Variants in SMOC2 observed in about 807,000 individuals in gnomAD.
SMOC2 encodes SPARC-related modular calcium-binding protein 2.
In SMOC2, 39 loss-of-function variants were observed where a neutral mutation model predicts 61.4. That is an observed-to-expected ratio of 0.64 (90% CI 0.49 to 0.83). The LOEUF (loss-of-function observed/expected upper bound fraction) is 0.83, where lower values mean the gene tolerates loss of function less well. Ranked by LOEUF, SMOC2 falls within the 40% of genes least tolerant of loss-of-function variation. The pLI, the probability that SMOC2 is intolerant of heterozygous loss-of-function variation, is 0.00. For missense variants in SMOC2, 556 were observed against 592.9 expected, an observed-to-expected ratio of 0.94 and a Z score of 0.65; for synonymous variants, 247 against 239.9, an observed-to-expected ratio of 1.03 and a Z score of -0.27.
chr6:168,579,206 T>A (rs1784872270), intron 7 of SMOC2, among the ~76,000 whole-genome samples: 1 of 152,242 alleles, frequency 6.6e-6, no homozygotes, highest in Admixed American at 6.5e-5. Flanking sequence ...CCCAAGCATC[T>A]GCCATTTTTA....
chr6:168,574,894 A>T (rs886837291), intron 7 of SMOC2, among the ~76,000 whole-genome samples: 1 of 152,098 alleles, frequency 6.6e-6, no homozygotes, highest in Non-Finnish European at 1.5e-5. Context: ...CCAGAACAAA[A>T]TGTTGCCTTA....
intron 1 of SMOC2, among the ~76,000 whole-genome samples, chr6:168,479,869 C>T (rs1312358407): frequency 6.6e-6 from 1 of 152,178 alleles, no homozygotes; most frequent in African/African-American, 2.4e-5. Context: ...ATTTAAAAGG[C>T]TGGCACACTT....
chr6:168,591,452 C>T (rs1562366588), intron 7 of SMOC2, among the ~76,000 whole-genome samples: 1 of 152,138 alleles, frequency 6.6e-6, no homozygotes, highest in Non-Finnish European at 1.5e-5. Context: ...GTTCTGAGTA[C>T]CAGCAGGGTG....
intron 9 of SMOC2, among the ~76,000 whole-genome samples, chr6:168,631,895 G>A (rs1203627434): frequency 6.6e-6 from 1 of 152,180 alleles, no homozygotes; most frequent in Admixed American, 6.5e-5. Flanking sequence ...CACAGCGGCT[G>A]AAAGCTCAGC....
intron 11 of SMOC2, among the ~76,000 whole-genome samples, chr6:168,653,708 C>T (rs1787263317): frequency 7.2e-6 from 1 of 138,560 alleles, no homozygotes; most frequent in African/African-American, 2.9e-5. Context: ...TGAGCTCCAA[C>T]CAAATGTTAG....
chr6:168,648,982 CCACGCCAACGTGCCCTCGACCCAGGGGT>C (rs1787121086), intron 9 of SMOC2, among the ~76,000 whole-genome samples: 2 of 152,156 alleles, frequency 1.3e-5, no homozygotes, highest in African/African-American at 4.8e-5. Context: ...CAGGGGTGGT[CCACGCCAACGTGCCCTCGACCCAGGGGT>C]CTGAGAATCA....
chr6:168,468,081 CAG>C (rs1781884915), intron 1 of SMOC2, among the ~76,000 whole-genome samples: 2 of 152,138 alleles, frequency 1.3e-5, no homozygotes, highest in Admixed American at 1.3e-4. Flanking sequence ...AAAAGTAACT[CAG>C]GGGGGCTCTG....
chr6:168,508,101 C>T lies in SMOC2; in HGVS notation c.85-1814C>T, dbSNP rs71573472. Among the ~76,000 whole-genome samples the T allele has an allele frequency of 3.6e-3, 546 of 152,352 alleles. 1 individual carries two copies. Among genetic ancestry groups the T allele is most frequent in the Middle Eastern group, 0.02 (6 of 294 alleles). The stretch of plus-strand genomic sequence containing the variant: ...AGGTCTGGGGCTCCCCACGGGCCGT[C>T]CGGCCCCTACAGCATCTTGTGTGCC... On this transcript the variant is annotated intron_variant, in intron 1 of 12. Transcript: ENST00000356284.
At chr6:168,516,640 C>T (rs1173869653) in intron 2 of SMOC2, among the ~76,000 whole-genome samples, 5 of 152,122 alleles carry the variant, frequency 3.3e-5, no homozygotes, top group East Asian at 1.9e-4. Flanking sequence ...ATGAGGCCCA[C>T]GGTGCAGGAA....
chr6:168,576,325 T>G (rs937500846), intron 7 of SMOC2, among the ~76,000 whole-genome samples: 2 of 152,140 alleles, frequency 1.3e-5, no homozygotes, highest in African/African-American at 4.8e-5. Context: ...CAAAAAGCTC[T>G]TGTAATCATG....
intron 9 of SMOC2, among the ~76,000 whole-genome samples, chr6:168,617,907 C>T (rs1299325963): frequency 1.3e-5 from 2 of 152,178 alleles, no homozygotes; most frequent in Non-Finnish European, 2.9e-5. Context: ...CGTCCAGCGC[C>T]TCGCTGAGGG....
rs527580638 is a variant in SMOC2 at position 168,450,791 on chromosome 6, G to A, written c.84+9337G>A. On this transcript the variant is annotated intron_variant, in intron 1 of 12. Coordinates refer to ENST00000356284, the MANE Select transcript of SMOC2 (RefSeq NM_001166412.2). Reference sequence around the variant, plus strand: ...CACAAGCATTTGGTCACTTAAACCCGAACGTGACCTTGTGAGGTGGCACTA... The same window carrying A: ...CACAAGCATTTGGTCACTTAAACCCAAACGTGACCTTGTGAGGTGGCACTA... Among the ~76,000 whole-genome samples the A allele has an allele frequency of 1.3e-4, 20 of 152,296 alleles. 1 individual carries two copies. The highest frequency in any genetic ancestry group is 4.6e-4 in the African/African-American group (19 of 41,562).
chr6:168,497,575 GT>G (rs1782622383), intron 1 of SMOC2, among the ~76,000 whole-genome samples: 1 of 152,146 alleles, frequency 6.6e-6, no homozygotes, highest in Non-Finnish European at 1.5e-5. Flanking sequence ...GGGGAAGCAG[GT>G]TCCTAGGAGT....
chr6:168,604,031 G>C (rs988258315), intron 8 of SMOC2, among the ~76,000 whole-genome samples: 4 of 152,250 alleles, frequency 2.6e-5, no homozygotes, highest in Admixed American at 6.5e-5. Context: ...AGTGGAGCAG[G>C]CTCAGCCTCC....
intron 7 of SMOC2, among the ~76,000 whole-genome samples, chr6:168,574,196 A>G (rs534279987): frequency 6.6e-6 from 1 of 152,368 alleles, no homozygotes; most frequent in East Asian, 1.9e-4. Context: ...ATCCAGCACC[A>G]GGAAGATGGG....
intron 7 of SMOC2, among the ~76,000 whole-genome samples, chr6:168,584,222 G>A (rs905379502): frequency 2.0e-5 from 3 of 152,234 alleles, no homozygotes; most frequent in Non-Finnish European, 2.9e-5. Context: ...TCGGCTGGAC[G>A]TGAAGACCAC....
chr6:168,526,534 G>T, intron 3 of SMOC2, 82 bp downstream of exon 3: 2 of 1,096,206 alleles, frequency 1.8e-6, no homozygotes. Context: ...AAGGCAGGTG[G>T]GGGGAGCCGA....
intron 7 of SMOC2, among the ~76,000 whole-genome samples, chr6:168,576,364 G>A (rs1032059029): frequency 3.3e-5 from 5 of 152,214 alleles, no homozygotes; most frequent in Admixed American, 3.3e-4. Context: ...CAGTGAACAT[G>A]TTTGCACTAA....
intron 6 of SMOC2, among the ~76,000 whole-genome samples, chr6:168,548,802 T>TA (rs1185872521): frequency 2.6e-5 from 4 of 152,246 alleles, no homozygotes; most frequent in African/African-American, 9.6e-5. Context: ...GTTATGTGAA[T>TA]AGCCATTTTA....
Sources: gnomAD v4.1 joint callset for allele counts (sites outside exome capture counted in the v4.1 genomes callset) on GRCh38, gnomAD v4.1.1 for gene constraint, MANE v1.5 for transcripts, NCBI Gene and HGNC (gene_info 2026-07-23, HGNC 2026-07-21) for gene names.